CCSER1: variants seen among roughly 807,000 people sequenced by gnomAD.
The protein encoded by CCSER1 is serine-rich coiled-coil domain-containing protein 1.
In CCSER1, 41 loss-of-function variants were observed where a neutral mutation model predicts 82.0. That is an observed-to-expected ratio of 0.50 (90% CI 0.39 to 0.65). The LOEUF is 0.65. CCSER1 is among the 30% of genes least tolerant of loss of function. CCSER1 has a pLI of 0.00. For synonymous variants in CCSER1, 414 were observed against 383.9 expected, an observed-to-expected ratio of 1.08 and a Z score of -0.92; for missense variants, 1,119 against 1,064.2, an observed-to-expected ratio of 1.05 and a Z score of -0.72.
intron 10 of CCSER1, among the ~76,000 whole-genome samples, chr4:91,439,410 C>A (rs950578389): frequency 6.6e-6 from 1 of 152,014 alleles, no homozygotes; most frequent in Non-Finnish European, 1.5e-5. Context: ...GAAATAAAAT[C>A]CTTTACAGAC....
At chr4:90,240,620 T>C (rs1209670446) in intron 1 of CCSER1, among the ~76,000 whole-genome samples, 3 of 152,156 alleles carry the variant, frequency 2.0e-5, no homozygotes, top group Non-Finnish European at 4.4e-5. Context: ...ATAGGACATA[T>C]ATTTGTGGAA....
intron 9 of CCSER1, among the ~76,000 whole-genome samples, chr4:91,083,568 G>GAAATA (rs907293158): frequency 1.3e-5 from 2 of 151,592 alleles, no homozygotes; most frequent in African/African-American, 4.8e-5. Flanking sequence ...AAAGTAAAAT[G>GAAATA]AAATAAAATA....
chr4:90,971,180 G>T (rs1298743740), intron 9 of CCSER1, among the ~76,000 whole-genome samples: 1 of 151,900 alleles, frequency 6.6e-6, no homozygotes, highest in Non-Finnish European at 1.5e-5. Context: ...ATGGGGAAAA[G>T]AAGTTTAATT....
rs190115545 is a variant in CCSER1, at chr4:91,169,471, A to G, written c.2217+83477A>G. Among the ~76,000 whole-genome samples, 1,496 of 152,182 alleles carry G rather than the reference A, an allele frequency of 9.8e-3. 9 individuals are homozygous for G. The highest frequency in any genetic ancestry group is 0.024 in the African/African-American group (1,008 of 41,516). On this transcript the variant is annotated intron_variant, in intron 10 of 10. Coordinates refer to ENST00000509176, the MANE Select transcript of CCSER1 (RefSeq NM_001145065.2). ...CCCATTCTGTACTAAAAATACAAAA[A>G]TTAGCCAGGCATGGTGGCGGGTGCC...
chr4:90,864,817 G>A (rs564062546), intron 8 of CCSER1, among the ~76,000 whole-genome samples: 17 of 152,104 alleles, frequency 1.1e-4, no homozygotes, highest in East Asian at 5.8e-4. Context: ...ACTGCAAGTC[G>A]ATATCTGTTG....
intron 10 of CCSER1, among the ~76,000 whole-genome samples, chr4:91,397,929 G>A (rs933942292): frequency 9.9e-5 from 15 of 152,010 alleles, no homozygotes; most frequent in Admixed American, 2.0e-4. Flanking sequence ...AAATCAGGAC[G>A]GGCATGGGTA....
intron 10 of CCSER1, among the ~76,000 whole-genome samples, chr4:91,494,216 G>A (rs937588397): frequency 6.6e-6 from 1 of 151,840 alleles, no homozygotes; most frequent in African/African-American, 2.4e-5. Context: ...ATAATTACCA[G>A]TGTCAGGTAT....
chr4:91,117,991 T>G (rs1411646415), intron 10 of CCSER1, among the ~76,000 whole-genome samples: 1 of 152,302 alleles, frequency 6.6e-6, no homozygotes, highest in East Asian at 1.9e-4. Context: ...AAATCTATTG[T>G]AAATTGTTTT....
At chr4:91,190,229 G>A (rs975239165) in intron 10 of CCSER1, among the ~76,000 whole-genome samples, 1 of 152,156 alleles carries the variant, frequency 6.6e-6, no homozygotes, top group Non-Finnish European at 1.5e-5. Flanking sequence ...TTCTCAGTTA[G>A]ATACAAAACC....
At chr4:90,905,320 G>C (rs953164420) in intron 8 of CCSER1, among the ~76,000 whole-genome samples, 17 of 151,356 alleles carry the variant, frequency 1.1e-4, no homozygotes, top group Non-Finnish European at 2.2e-4. Flanking sequence ...GCCTACAATT[G>C]TGCCAATATT....
intron 10 of CCSER1, among the ~76,000 whole-genome samples, chr4:91,197,231 G>A (rs1735517211): frequency 6.6e-6 from 1 of 152,186 alleles, no homozygotes; most frequent in East Asian, 1.9e-4. Context: ...ACATCTGCCA[G>A]ATGCCCTTGC....
intron 8 of CCSER1, among the ~76,000 whole-genome samples, chr4:90,847,253 T>C (rs909284999): frequency 1.3e-5 from 2 of 152,176 alleles, no homozygotes; most frequent in African/African-American, 4.8e-5. Flanking sequence ...AAAAAAATGA[T>C]TTCCATTCCA....
At chr4:91,044,161 A>ATGC in intron 9 of CCSER1, among the ~76,000 whole-genome samples, 1 of 151,992 alleles carries the variant, frequency 6.6e-6, no homozygotes, top group Admixed American at 6.6e-5. Flanking sequence ...TATCTAAGGT[A>ATGC]AAATCCCAGC....
At chr4:91,244,005 G>T (rs1739570791) in intron 10 of CCSER1, among the ~76,000 whole-genome samples, 1 of 152,194 alleles carries the variant, frequency 6.6e-6, no homozygotes, top group Non-Finnish European at 1.5e-5. Context: ...AGCATTTCCT[G>T]ACCTTCCCTG....
intron 8 of CCSER1, among the ~76,000 whole-genome samples, chr4:90,888,679 CAAGTT>C (rs1285724683): frequency 6.6e-6 from 1 of 152,156 alleles, no homozygotes; most frequent in East Asian, 1.9e-4. Context: ...CATTCAAAAT[CAAGTT>C]AAGTCCTTTG....
chr4:91,545,640 T>G (rs1761849269), intron 10 of CCSER1, among the ~76,000 whole-genome samples: 1 of 152,172 alleles, frequency 6.6e-6, no homozygotes, highest in South Asian at 2.1e-4. Context: ...CTTTCTATCT[T>G]ACAACCTTGC....
intron 4 of CCSER1, among the ~76,000 whole-genome samples, chr4:90,450,500 C>T (rs1432715599): frequency 1.3e-5 from 2 of 152,114 alleles, no homozygotes; most frequent in Non-Finnish European, 2.9e-5. Flanking sequence ...TAACAGTAAG[C>T]GTAGGGTATC....
At chr4:90,632,889 C>T (rs1259638237) in intron 6 of CCSER1, among the ~76,000 whole-genome samples, 1 of 152,062 alleles carries the variant, frequency 6.6e-6, no homozygotes, top group Non-Finnish European at 1.5e-5. Context: ...TTCTAGTCTT[C>T]CCACCTATCA....
At chr4:91,240,031 A>G (rs1183495049) in intron 10 of CCSER1, among the ~76,000 whole-genome samples, 1 of 48,166 alleles carries the variant, frequency 2.1e-5, no homozygotes, top group Non-Finnish European at 3.7e-5. Flanking sequence ...TGGTTAATGC[A>G]GTGCACCTGT....
Sources: gnomAD v4.1 joint callset for allele counts (sites outside exome capture counted in the v4.1 genomes callset) on GRCh38, gnomAD v4.1.1 for gene constraint, MANE v1.5 for transcripts, NCBI Gene and HGNC (gene_info 2026-07-23, HGNC 2026-07-21) for gene names.